The following SOX5 variants were observed in gnomAD, a reference collection of about 807,000 sequenced individuals.
SOX5 encodes the protein transcription factor SOX-5.
Under a neutral mutation model 92.0 loss-of-function variants are expected in SOX5, and 9 were observed. That is an observed-to-expected ratio of 0.10 (90% CI 0.06 to 0.17). The LOEUF is 0.17. Among genes scored for constraint, SOX5 ranks in the 10% least tolerant of loss-of-function variants. SOX5 has a pLI of 1.00. For missense variants in SOX5, 642 were observed against 944.5 expected, an observed-to-expected ratio of 0.68 and a Z score of 4.20; for synonymous variants, 344 against 336.3, an observed-to-expected ratio of 1.02 and a Z score of -0.25.
intron 1 of SOX5, among the ~76,000 whole-genome samples, chr12:24,416,412 C>T (rs766548312): frequency 5.9e-5 from 9 of 152,186 alleles, no homozygotes; most frequent in Non-Finnish European, 1.2e-4. Context: ...CAGTTTTCCT[C>T]TACCAGTATC....
intron 9 of SOX5, among the ~76,000 whole-genome samples, chr12:23,602,112 A>C (rs191835764): frequency 2.0e-5 from 3 of 152,308 alleles, no homozygotes; most frequent in African/African-American, 7.2e-5. Flanking sequence ...AAAGTCATTG[A>C]ATTTCAAAGA....
intron 8 of SOX5, among the ~76,000 whole-genome samples, chr12:23,635,091 A>G (rs770537571): frequency 2.0e-5 from 3 of 152,214 alleles, no homozygotes; most frequent in South Asian, 2.1e-4. Context: ...AGGGAAATAC[A>G]GCATGCTCTC....
rs937542685 is a variant in SOX5 at position 23,532,573 on chromosome 12, A to G, written c.*1646T>C. 6.6e-6 allele frequency: 1 copy of G among 152,278 alleles called. No individual in the cohort carries two copies. Among genetic ancestry groups the G allele is most frequent in the African/African-American group, 2.4e-5 (1 of 41,448 alleles). The allele number at this position is 152,278 out of a possible 1,614,324, so 9.4% of individuals were successfully genotyped here. A position where few individuals can be genotyped will look rare whatever the true frequency, so the allele number is the denominator to read the frequency against. On this transcript the variant is annotated 3_prime_UTR_variant, in exon 15 of 15. Coordinates refer to ENST00000451604, the MANE Select transcript of SOX5 (RefSeq NM_006940.6). ...CATTCAGTTGTTGCTCTTTGCAAATACTCTGCTTGAACCAAAGTTGGACTT... is the reference window on the plus strand; with the variant it reads ...CATTCAGTTGTTGCTCTTTGCAAATGCTCTGCTTGAACCAAAGTTGGACTT...
intron 1 of SOX5, among the ~76,000 whole-genome samples, chr12:24,528,109 T>C (rs1430631625): frequency 6.6e-6 from 1 of 152,226 alleles, no homozygotes; most frequent in Non-Finnish European, 1.5e-5. Flanking sequence ...ATGAATAACC[T>C]CTGCCTGGCT....
intron 4 of SOX5, among the ~76,000 whole-genome samples, chr12:24,195,150 A>AG (rs1956892414): frequency 6.6e-6 from 1 of 151,936 alleles, no homozygotes; most frequent in Admixed American, 6.6e-5. Context: ...AAAAAAAAAA[A>AG]ACACGAGAAA....
chr12:24,473,808 C>T (rs1055177881), intron 1 of SOX5, among the ~76,000 whole-genome samples: 1 of 152,118 alleles, frequency 6.6e-6, no homozygotes, highest in African/African-American at 2.4e-5. Context: ...ATCTGCAACT[C>T]AGAGACAGAT....
intron 7 of SOX5, among the ~76,000 whole-genome samples, chr12:23,650,135 A>T (rs952032959): frequency 1.3e-5 from 2 of 152,088 alleles, no homozygotes; most frequent in Non-Finnish European, 2.9e-5. Context: ...GTCTTAATCA[A>T]GTGAGGAGGA....
rs189921183 is a variant in SOX5, at chr12:24,191,914, A to G, written c.-2+21429T>C. ...CAAAGCTCTATCATACAGAATCGAG[A>G]TCAGGTTTAATCTCAAACCAAGATT... On this transcript the variant is annotated intron_variant, in intron 4 of 4. Transcript: ENST00000446891. 5.9e-5 allele frequency among the ~76,000 whole-genome samples: 9 copies of G among 152,314 alleles called. No individual in the cohort carries two copies. In the South Asian group the frequency reaches 6.2e-4, roughly 11 times the overall value.
At chr12:24,518,826 T>C (rs892761742) in intron 1 of SOX5, among the ~76,000 whole-genome samples, 1 of 152,226 alleles carries the variant, frequency 6.6e-6, no homozygotes, top group Non-Finnish European at 1.5e-5. Flanking sequence ...TTTACACCTG[T>C]AGGCTTTAAA....
chr12:23,708,314 A>T (rs2091670551), intron 6 of SOX5, among the ~76,000 whole-genome samples: 1 of 151,916 alleles, frequency 6.6e-6, no homozygotes, highest in Non-Finnish European at 1.5e-5. Context: ...AAAGGAATCC[A>T]TATAAAAAAA....
intron 4 of SOX5, among the ~76,000 whole-genome samples, chr12:24,070,985 T>C (rs1941687442): frequency 6.6e-6 from 1 of 152,230 alleles, no homozygotes. Context: ...TTGAACCTTA[T>C]ATGCCAAACA....
chr12:24,055,555 A>T (rs1196042201), intron 4 of SOX5, among the ~76,000 whole-genome samples: 2 of 152,192 alleles, frequency 1.3e-5, no homozygotes, highest in Non-Finnish European at 2.9e-5. Context: ...TGAACCAGGA[A>T]CAACATGTTG....
At chr12:23,546,260 C>T in intron 12 of SOX5, 56 bp downstream of exon 12, 3 of 984,842 alleles carry the variant, frequency 3.0e-6, no homozygotes, top group Non-Finnish European at 3.2e-6. Flanking sequence ...TTTTAATTGG[C>T]ACTACCTAGA....
chr12:24,440,003 T>C (rs1405886264), intron 1 of SOX5, among the ~76,000 whole-genome samples: 2 of 152,212 alleles, frequency 1.3e-5, no homozygotes, highest in African/African-American at 2.4e-5. Flanking sequence ...TAAATGCTTA[T>C]TAAATAAGCA....
chr12:24,287,688 AT>A (rs952971732), intron 2 of SOX5, among the ~76,000 whole-genome samples: 3 of 140,302 alleles, frequency 2.1e-5, no homozygotes, highest in East Asian at 2.1e-4. Flanking sequence ...TCTTAAAATC[AT>A]TTTTTCTTGT....
chr12:24,479,847 G>A (rs575861904), intron 1 of SOX5, among the ~76,000 whole-genome samples: 5 of 152,182 alleles, frequency 3.3e-5, no homozygotes, highest in East Asian at 1.9e-4. Context: ...TGTATTGTTA[G>A]TAGAAGCGGG....
intron 3 of SOX5, among the ~76,000 whole-genome samples, chr12:24,256,776 C>T (rs557921573): frequency 6.6e-6 from 1 of 152,162 alleles, no homozygotes; most frequent in Non-Finnish European, 1.5e-5. Flanking sequence ...AACACACACA[C>T]AGAGCATAAA....
At chr12:23,825,688 C>A (rs2096218281) in intron 3 of SOX5, among the ~76,000 whole-genome samples, 1 of 152,136 alleles carries the variant, frequency 6.6e-6, no homozygotes, top group Non-Finnish European at 1.5e-5. Context: ...AGATTTAATA[C>A]TACTTTAATT....
intron 1 of SOX5, among the ~76,000 whole-genome samples, chr12:23,927,281 G>T (rs1008590355): frequency 4.6e-5 from 7 of 152,046 alleles, no homozygotes; most frequent in Admixed American, 2.0e-4. Flanking sequence ...AGAAAGAAGG[G>T]CTATCCTTTC....
Sources: gnomAD v4.1 joint callset for allele counts (sites outside exome capture counted in the v4.1 genomes callset) on GRCh38, gnomAD v4.1.1 for gene constraint, MANE v1.5 for transcripts, NCBI Gene and HGNC (gene_info 2026-07-23, HGNC 2026-07-21) for gene names.